The following C19orf67 variants were observed in gnomAD, a reference collection of about 807,000 sequenced individuals.
C19orf67 encodes chromosome 19 open reading frame 67.
In C19orf67, 28 loss-of-function variants were observed where a neutral mutation model predicts 41.4. The ratio of observed to expected loss-of-function variants is 0.68; its 90% CI spans 0.50 to 0.93. The LOEUF is 0.93. Ranked by LOEUF, C19orf67 falls within the 40% of genes least tolerant of loss-of-function variation. The pLI, the probability that C19orf67 is intolerant of heterozygous loss-of-function variation, is 0.00. For missense variants in C19orf67, 421 were observed against 467.0 expected, an observed-to-expected ratio of 0.90 and a Z score of 0.91; for synonymous variants, 242 against 203.4, an observed-to-expected ratio of 1.19 and a Z score of -1.62.
chr19:14,083,350 G>A lies in C19orf67; in HGVS notation c.654C>T (p.Ala218=), dbSNP rs1432063428. The A allele has an allele frequency of 3.9e-6, 6 of 1,535,834 alleles. No individual in the cohort carries two copies. The African/African-American group carries it at 6.8e-5, about 18-fold the overall frequency. ...SHEVSIFRYC[A]PTAYTASRFP... Reference sequence around the variant, plus strand: ...AGCGGCTGGCAGTGTAGGCGGTTGGGGCACAGTATCTGAAGATGGAGACCT... The same window carrying A: ...AGCGGCTGGCAGTGTAGGCGGTTGGAGCACAGTATCTGAAGATGGAGACCT... The change falls in exon 4 of 6, where the codon GCC becomes GCT. Residue 218 remains alanine, a synonymous_variant. Transcript: ENST00000548523.
At position 14,083,490 on chromosome 19, in the gene C19orf67, C is replaced by G. The variant is rs745574789; in HGVS notation, c.581+15G>C. 5 of 1,534,922 alleles carry G rather than the reference C, an allele frequency of 3.3e-6. No individual in the cohort carries two copies. Among genetic ancestry groups the G allele is most frequent in the African/African-American group, 1.4e-5 (1 of 73,090 alleles). On this transcript the variant is annotated intron_variant, in intron 3 of 5. Coordinates refer to ENST00000548523, the MANE Select transcript of C19orf67 (RefSeq NM_001277378.2). ...GACTCCTTCATCCCCCCATCTGAGT[C>G]TCCTACCATTTTACCTAAGGGGGTT...
At position 14,085,433 on chromosome 19, in the gene C19orf67, C is replaced by T. The variant is rs1976840740; in HGVS notation, c.195G>A (p.Thr65=). 1.4e-5 allele frequency: 22 copies of T among 1,535,728 alleles called. No individual in the cohort carries two copies. The highest frequency in any genetic ancestry group is 1.8e-5 in the Non-Finnish European group (21 of 1,146,770). ...GGGGGACCAGAGGTTTGGGGGAAGA[C>T]GTGGAGGCCCGGGCCTCAGCCAGCC... The part of the protein sequence containing the change: ...EGRLAEARAS[T]SSPKPLVPRP... The change falls in exon 1 of 6, where the codon ACG becomes ACA. Residue 65 remains threonine (T), a synonymous_variant. Transcript: ENST00000548523.
Position 14,083,234 on chromosome 19 carries a change from T to C in C19orf67, c.767+3A>G, listed in dbSNP as rs1180216302. 1 of 1,535,852 alleles carries C rather than the reference T, an allele frequency of 6.5e-7. No individual in the cohort carries two copies. The highest frequency in any genetic ancestry group is 2.0e-5 in the Admixed American group (1 of 50,972). On this transcript the variant is annotated splice_donor_region_variant and intron_variant, in intron 4 of 5. Coordinates refer to ENST00000548523, the MANE Select transcript of C19orf67 (RefSeq NM_001277378.2). ...GGACTTTGATTTGGGTAAGAGGACT[T>C]ACTAATCCACAAGGGAATCTTGTCC...
intron 5 of C19orf67, 27 bp downstream of exon 5, chr19:14,082,442 C>T (rs1173357009): frequency 3.3e-6 from 5 of 1,509,346 alleles, no homozygotes; most frequent in Non-Finnish European, 3.5e-6. Context: ...GCTCCCAGGC[C>T]CACGTTGCTA....
intron 4 of C19orf67, among the ~76,000 whole-genome samples, chr19:14,082,849 C>CTT (rs374431275): frequency 7.0e-6 from 1 of 143,812 alleles, no homozygotes; most frequent in Non-Finnish European, 1.5e-5. Flanking sequence ...TCCTGGTTCA[C>CTT]TTTTTTTTTT....
At chr19:14,082,132 A>AC in intron 5 of C19orf67, 124 bp from the exon 6 acceptor site, 2 of 831,926 alleles carry the variant, frequency 2.4e-6, no homozygotes, top group South Asian at 2.0e-5. Context: ...GGTGGGAAAA[A>AC]CCCCCGGGGG....
rs776675306 is a variant in C19orf67 at position 14,083,835 on chromosome 19, G to A, written c.378C>T (p.Pro126=). The stretch of plus-strand genomic sequence containing the variant: ...AGGGCTCACACATCTGTAAGAAGGT[G>A]GGCATGGCCTTGGCCAGCTGCTCCT... ...VQKEQLAKAM[P]TFLQMCEPYF... is the part of the protein sequence containing the mutation. The change falls in exon 2 of 6, where the codon CCC becomes CCT. Residue 126 remains proline (P), a synonymous_variant. Transcript: ENST00000548523. 11 of 1,396,524 alleles carry A rather than the reference G, an allele frequency of 7.9e-6. No individual in the cohort carries two copies. Among genetic ancestry groups the A allele is most frequent in the African/African-American group, 2.9e-5 (2 of 69,202 alleles). 86.5% of individuals were successfully genotyped at this position (1,396,524 alleles called of 1,614,324 possible).
chr19:14,085,573 G>T lies in C19orf67; in HGVS notation c.55C>A (p.Pro19Thr). 6.5e-7 allele frequency: 1 copy of T among 1,535,302 alleles called. No homozygotes were observed. Among genetic ancestry groups the T allele is most frequent in the Non-Finnish European group, 8.7e-7 (1 of 1,146,596 alleles). ...GSLPLDPGET[P>T]PPDALEPGTP... ...CCAGGTTCCAAGGCGTCTGGAGGCGGTGTTTCTCCAGGGTCCAGGGGGAGC... is the reference window on the plus strand; with the variant it reads ...CCAGGTTCCAAGGCGTCTGGAGGCGTTGTTTCTCCAGGGTCCAGGGGGAGC... Residue 19 changes from proline (P) to threonine (T), a missense_variant, in exon 1 of 6, where the codon CCG becomes ACG. This residue lies in a region of C19orf67 where 160 missense variants were observed against 139.2 expected (regional missense o/e 1.15). Transcript: ENST00000548523.
rs972964667 is a variant in C19orf67, at chr19:14,083,344, G to C, written c.660C>G (p.Thr220=). The change falls in exon 4 of 6, where the codon ACC becomes ACG. Residue 220 remains threonine, a synonymous_variant. Transcript: ENST00000548523. The part of the protein sequence containing the change: ...EVSIFRYCAP[T]AYTASRFPRY... ...GGGGGAAGCGGCTGGCAGTGTAGGC[G>C]GTTGGGGCACAGTATCTGAAGATGG... 6.5e-7 allele frequency: 1 copy of C among 1,535,996 alleles called. No homozygotes were observed. The highest frequency in any genetic ancestry group is 1.2e-5 in the South Asian group (1 of 84,052).
In C19orf67 at chr19:14,083,400, T is replaced by C; in HGVS notation, c.604A>G (p.Arg202Gly). ...TCATGGGACAGGCTGATGGAGAACC[T>C]CCCGCAAAAGAAACAGGAGATGCTG... is the stretch of plus-strand genomic sequence containing the variant. ...PLSISCFFCG[R>G]FSISLSHEVS... The change falls in exon 4 of 6, where the codon AGG (arginine) becomes GGG (glycine). Residue 202 changes from arginine (R) to glycine (G), a missense_variant. Coordinates refer to ENST00000548523, the MANE Select transcript of C19orf67 (RefSeq NM_001277378.2). The C allele has an allele frequency of 1.3e-6, 2 of 1,531,240 alleles. No homozygotes were observed. Among genetic ancestry groups the C allele is most frequent in the Non-Finnish European group, 1.7e-6 (2 of 1,143,428 alleles). The allele number at this position is 1,531,240 out of a possible 1,614,324, so 94.9% of individuals were successfully genotyped here. A position where few individuals can be genotyped will look rare whatever the true frequency, so the allele number is the denominator to read the frequency against.
In C19orf67 at chr19:14,081,884, G is replaced by GGGCCT; in HGVS notation, c.1022_1026dup (p.Pro345GlyfsTer?). ...GCAGGCCCGGCTGCGCTCGGAGGCC[G>GGGCCT]GGCCTGGCCTGCCTGGCCCGTGAGG... On this transcript the variant is annotated frameshift_variant, in exon 6 of 6. Coordinates refer to ENST00000548523, the MANE Select transcript of C19orf67 (RefSeq NM_001277378.2). LOFTEE classifies it high-confidence loss of function. 3 of 1,533,622 alleles carry GGGCCT rather than the reference G, an allele frequency of 2.0e-6. No individual in the cohort carries two copies. The highest frequency in any genetic ancestry group is 2.6e-6 in the Non-Finnish European group (3 of 1,145,510).
At chr19:14,084,434 G>T (rs986295814) in intron 1 of C19orf67, among the ~76,000 whole-genome samples, 2 of 151,634 alleles carry the variant, frequency 1.3e-5, no homozygotes, top group East Asian at 3.9e-4. Context: ...TCGAACCTGG[G>T]AGGCGGAGGT....
rs938727689 is a variant in C19orf67 at position 14,083,494 on chromosome 19, T to C, written c.581+11A>G. ...CCTTCATCCCCCCATCTGAGTCTCC[T>C]ACCATTTTACCTAAGGGGGTTCATC... On this transcript the variant is annotated intron_variant, in intron 3 of 5. Coordinates refer to ENST00000548523, the MANE Select transcript of C19orf67 (RefSeq NM_001277378.2). The C allele has an allele frequency of 1.3e-6, 2 of 1,535,238 alleles. No homozygotes were observed. Among genetic ancestry groups the C allele is most frequent in the Non-Finnish European group, 1.7e-6 (2 of 1,146,218 alleles).
rs1286938194 is a variant in C19orf67, at chr19:14,081,826, C to T, written c.*8G>A. 2 of 1,512,760 alleles carry T rather than the reference C, an allele frequency of 1.3e-6. No individual in the cohort carries two copies. The highest frequency in any genetic ancestry group is 1.8e-6 in the Non-Finnish European group (2 of 1,135,410). 93.7% of individuals were successfully genotyped at this position (1,512,760 alleles called of 1,614,324 possible). The stretch of plus-strand genomic sequence containing the variant: ...GTCAAGTTCCAGCTCCTACCCTCTT[C>T]CCCAGGTTCAAGACCCCTGCGCTGC... On this transcript the variant is annotated 3_prime_UTR_variant, in exon 6 of 6. Coordinates refer to ENST00000548523, the MANE Select transcript of C19orf67 (RefSeq NM_001277378.2).
At position 14,083,393 on chromosome 19, in the gene C19orf67, G is replaced by C. The variant is rs1347728229; in HGVS notation, c.611C>G (p.Ser204Cys). The C allele has an allele frequency of 1.1e-5, 17 of 1,532,480 alleles. No homozygotes were observed. Among genetic ancestry groups the C allele is most frequent in the South Asian group, 4.8e-5 (4 of 83,968 alleles). The allele number at this position is 1,532,480 out of a possible 1,614,324, so 94.9% of individuals were successfully genotyped here. Residue 204 changes from serine (S) to cysteine (C), a missense_variant, in exon 4 of 6, where the codon TCC becomes TGC. Ser to Cys is a moderately radical substitution (Grantham distance 112). Transcript: ENST00000548523. ...SISCFFCGRF[S>C]ISLSHEVSIF... ...GGAGACCTCATGGGACAGGCTGATG[G>C]AGAACCTCCCGCAAAAGAAACAGGA...
intron 5 of C19orf67, among the ~76,000 whole-genome samples, chr19:14,082,220 C>T (rs1284261076): frequency 6.6e-6 from 1 of 152,184 alleles, no homozygotes. Flanking sequence ...TGTCCATTCG[C>T]TCTGCTAGCT....
At chr19:14,084,390 AT>A (rs1976820549) in intron 1 of C19orf67, among the ~76,000 whole-genome samples, 1 of 148,576 alleles carries the variant, frequency 6.7e-6, no homozygotes, top group African/African-American at 2.6e-5. Flanking sequence ...ACCCTGTCTC[AT>A]TAAAAAAAAA....
intron 1 of C19orf67, among the ~76,000 whole-genome samples, chr19:14,084,540 A>G (rs1012811012): frequency 1.3e-5 from 2 of 150,676 alleles, no homozygotes; most frequent in African/African-American, 4.9e-5. Flanking sequence ...AAAACAAAAA[A>G]ACCCAGCCTC....
chr19:14,083,522 C>A lies in C19orf67; in HGVS notation c.564G>T (p.Glu188Asp). Reference protein sequence around the residue: ...MYASFGFVDLEEMNPLSISCF... With the variant: ...MYASFGFVDLDEMNPLSISCF... Reference sequence around the variant, plus strand: ...CATTTTACCTAAGGGGGTTCATCTCCTCCAGGTCCACGAACCCAAAGGAAG... The same window carrying A: ...CATTTTACCTAAGGGGGTTCATCTCATCCAGGTCCACGAACCCAAAGGAAG... The change falls in exon 3 of 6, where the codon GAG (glutamate) becomes GAT (aspartate). Residue 188 changes from glutamate to aspartate, a missense_variant. Glu to Asp is a conservative substitution (Grantham distance 45, BLOSUM62 2). Transcript: ENST00000548523. 6.5e-7 allele frequency: 1 copy of A among 1,536,062 alleles called. No homozygotes were observed. Among genetic ancestry groups the A allele is most frequent in the Non-Finnish European group, 8.7e-7 (1 of 1,146,872 alleles).
Sources: allele counts gnomAD v4.1 joint callset (sites outside exome capture counted in the v4.1 genomes callset), GRCh38; gene constraint gnomAD v4.1.1; regional missense constraint gnomAD v4.1.1; transcripts MANE v1.5; gene names NCBI Gene and HGNC (gene_info 2026-07-23, HGNC 2026-07-21).